ZNF487: variants seen among roughly 807,000 people sequenced by gnomAD.
The protein encoded by ZNF487 is KRAB domain only 1.
Under a neutral mutation model 3.0 loss-of-function variants are expected in ZNF487, and 4 were observed. The ratio of observed to expected loss-of-function variants is 1.35; its 90% CI spans 0.66 to 3.08. The LOEUF (loss-of-function observed/expected upper bound fraction) is 3.08, where lower values mean the gene tolerates loss of function less well. ZNF487 is among the 30% of genes most tolerant of loss of function. ZNF487 has a pLI of 0.01. For synonymous variants in ZNF487, 55 were observed against 34.6 expected (o/e 1.59, Z -2.06); for missense variants, 146 against 98.7 (o/e 1.48, Z -2.03).
intron 1 of ZNF487, among the ~76,000 whole-genome samples, chr10:43,462,056 TTTAG>T (rs1840450540): frequency 6.6e-6 from 1 of 152,206 alleles, no homozygotes; most frequent in African/African-American, 2.4e-5. Flanking sequence ...TCCCAGTCCT[TTTAG>T]TTAAGGTCAG....
chr10:43,458,627 C>A (rs1308901706), intron 1 of ZNF487, among the ~76,000 whole-genome samples: 2 of 152,010 alleles, frequency 1.3e-5, no homozygotes, highest in African/African-American at 2.4e-5. Flanking sequence ...AAAAACAGTT[C>A]TTGGCATTGA....
At chr10:43,517,438 A>C in the ZNF487 span, among the ~76,000 whole-genome samples, 3 of 152,242 alleles carry the variant, frequency 2.0e-5, no homozygotes, top group African/African-American at 7.2e-5. Flanking sequence ...TCCACATTGC[A>C]ATATGACAGG....
chr10:43,461,621 T>A (rs766700879), intron 1 of ZNF487, among the ~76,000 whole-genome samples: 3 of 152,096 alleles, frequency 2.0e-5, no homozygotes, highest in Non-Finnish European at 4.4e-5. Flanking sequence ...GCCCCCGGCC[T>A]TTGTTAGGTT....
intron 1 of ZNF487, chr10:43,452,216 C>T (rs942920882): frequency 3.3e-5 from 5 of 152,096 alleles, no homozygotes; most frequent in African/African-American, 1.2e-4. Flanking sequence ...CAAGCCCCAC[C>T]TCTTCCCTCC....
chr10:43,450,030 T>C (rs573868388), intron 1 of ZNF487, among the ~76,000 whole-genome samples: 9 of 152,076 alleles, frequency 5.9e-5, no homozygotes, highest in African/African-American at 2.2e-4. Context: ...TACTGATACT[T>C]GATTCAGTTA....
At chr10:43,458,321 A>G (rs1246355442) in intron 1 of ZNF487, among the ~76,000 whole-genome samples, 1 of 152,232 alleles carries the variant, frequency 6.6e-6, no homozygotes, top group East Asian at 1.9e-4. Context: ...CCGGAAAGGC[A>G]GGACAACTGG....
At chr10:43,496,761 G>T in the ZNF487 span, among the ~76,000 whole-genome samples, 1 of 152,158 alleles carries the variant, frequency 6.6e-6, no homozygotes, top group African/African-American at 2.4e-5. Context: ...CCTCTTCCAG[G>T]TTGCAGACTG....
chr10:43,509,413 A>G, the ZNF487 span, among the ~76,000 whole-genome samples: 2 of 150,368 alleles, frequency 1.3e-5, no homozygotes, highest in South Asian at 4.2e-4. Context: ...GCTATTGTAG[A>G]TTTGGCTTGT....
intron 1 of ZNF487, among the ~76,000 whole-genome samples, chr10:43,466,125 C>T (rs1271384448): frequency 6.7e-6 from 1 of 149,934 alleles, no homozygotes; most frequent in African/African-American, 2.5e-5. Context: ...TGCAGTGAGC[C>T]GAGATGGCAG....
chr10:43,477,673 C>T (rs1021470488), intron 3 of ZNF487, among the ~76,000 whole-genome samples: 7 of 148,766 alleles, frequency 4.7e-5, no homozygotes, highest in Admixed American at 6.7e-5. Context: ...AAAATGAGGT[C>T]GGGCTTGGTG....
At chr10:43,491,650 G>A in the ZNF487 span, among the ~76,000 whole-genome samples, 1 of 151,634 alleles carries the variant, frequency 6.6e-6, no homozygotes, top group African/African-American at 2.4e-5. Context: ...CCCAGTCTTT[G>A]CAAATGGCAC....
the ZNF487 span, among the ~76,000 whole-genome samples, chr10:43,495,414 T>C: frequency 1.3e-5 from 2 of 152,038 alleles, no homozygotes; most frequent in Non-Finnish European, 2.9e-5. Flanking sequence ...CAGCTAATTT[T>C]TGTAGTTTTA....
At chr10:43,447,521 C>T (rs111844017) in intron 1 of ZNF487, among the ~76,000 whole-genome samples, 7 of 152,160 alleles carry the variant, frequency 4.6e-5, no homozygotes, top group Admixed American at 3.3e-4. Flanking sequence ...GGATTACAGG[C>T]GTGAGCCACC....
At chr10:43,471,186 C>T (rs1181508195) in intron 1 of ZNF487, among the ~76,000 whole-genome samples, 1 of 152,142 alleles carries the variant, frequency 6.6e-6, no homozygotes, top group African/African-American at 2.4e-5. Flanking sequence ...ATTTACTCGG[C>T]CCATTGCGCT....
chr10:43,464,627 G>A (rs1448848215), intron 1 of ZNF487, among the ~76,000 whole-genome samples: 2 of 152,108 alleles, frequency 1.3e-5, no homozygotes, highest in Admixed American at 6.6e-5. Flanking sequence ...ATCTTGCACC[G>A]CCCTTAATCC....
intron 1 of ZNF487, among the ~76,000 whole-genome samples, chr10:43,440,600 G>A (rs1839563252): frequency 6.6e-6 from 1 of 151,724 alleles, no homozygotes; most frequent in Non-Finnish European, 1.5e-5. Context: ...AGAGGCAGCA[G>A]TGAGCTGAGA....
At chr10:43,474,098 C>T (rs1224430818) in intron 1 of ZNF487, among the ~76,000 whole-genome samples, 2 of 151,174 alleles carry the variant, frequency 1.3e-5, no homozygotes, top group Admixed American at 1.3e-4. Context: ...GAGGTCAAAG[C>T]TGCAGTGAGC....
At chr10:43,467,823 A>G (rs1051804203) in intron 1 of ZNF487, among the ~76,000 whole-genome samples, 1 of 151,846 alleles carries the variant, frequency 6.6e-6, no homozygotes, top group African/African-American at 2.4e-5. Context: ...TCTCAGAAAA[A>G]AAAAAAAAAG....
the ZNF487 span, among the ~76,000 whole-genome samples, chr10:43,494,050 C>A: frequency 6.8e-4 from 99 of 145,150 alleles, no homozygotes; most frequent in African/African-American, 2.3e-3. Flanking sequence ...AAAAAAAAAA[C>A]TAAAATAAAA....
Sources: allele counts gnomAD v4.1 joint callset (sites outside exome capture counted in the v4.1 genomes callset), GRCh38; gene constraint gnomAD v4.1.1; transcripts MANE v1.5; gene names NCBI Gene and HGNC (gene_info 2026-07-23, HGNC 2026-07-21).